TAF4B: variants seen among roughly 807,000 people sequenced by gnomAD.
The protein encoded by TAF4B is TATA-box binding protein associated factor 4b.
TAF4B carries 38 observed loss-of-function variants against 86.4 expected under a neutral mutation model. The observed-to-expected ratio is 0.44, with a 90% CI of 0.34 to 0.58. TAF4B has a LOEUF of 0.58. Ranked by LOEUF, TAF4B falls within the 20% of genes least tolerant of loss-of-function variation. TAF4B has a pLI of 0.02. For missense variants in TAF4B, 988 were observed against 1,027.6 expected, an observed-to-expected ratio of 0.96 and a Z score of 0.53; for synonymous variants, 388 against 391.2, an observed-to-expected ratio of 0.99 and a Z score of 0.10.
intron 14 of TAF4B, 85 bp downstream of exon 14, chr18:26,357,879 G>C: frequency 1.1e-6 from 1 of 923,996 alleles, no homozygotes; most frequent in Non-Finnish European, 1.6e-6. Flanking sequence ...AGTTTACCCT[G>C]TTATGCACGC....
At chr18:26,240,927 G>A (rs549198140) in intron 1 of TAF4B, among the ~76,000 whole-genome samples, 1 of 152,286 alleles carries the variant, frequency 6.6e-6, no homozygotes, top group Non-Finnish European at 1.5e-5. Flanking sequence ...GCATCCCAGG[G>A]ATGAAGCCAA....
chr18:26,262,643 T>C (rs1021424750), intron 1 of TAF4B, among the ~76,000 whole-genome samples: 1 of 151,950 alleles, frequency 6.6e-6, no homozygotes, highest in Non-Finnish European at 1.5e-5. Context: ...CACCCTCCAC[T>C]AATTTTTGTA....
chr18:26,374,934 A>T (rs533593950), intron 14 of TAF4B, among the ~76,000 whole-genome samples: 5 of 152,300 alleles, frequency 3.3e-5, no homozygotes, highest in South Asian at 2.1e-4. Context: ...GATATAATTC[A>T]TGTACAATAA....
rs754232320 is a variant in TAF4B at position 26,286,300 on chromosome 18, T to G, written c.1391T>G (p.Leu464Arg). ...GTTGTCTCTGGAACAGCAGTAACAC[T>G]GTCCCTTCCAGCAGTAACTTTTGGA... ...KPVVSGTAVTLSLPAVTFGET... is the reference protein window; with the variant it reads ...KPVVSGTAVTRSLPAVTFGET... Residue 464 changes from leucine to arginine, a missense_variant, in exon 7 of 15, where the codon CTG becomes CGG. Leu to Arg is a moderately radical substitution (Grantham distance 102, BLOSUM62 -2). Coordinates refer to ENST00000269142, the MANE Select transcript of TAF4B (RefSeq NM_005640.3). The G allele has an allele frequency of 6.2e-7, 1 of 1,614,136 alleles. No homozygotes were observed. The highest frequency in any genetic ancestry group is 1.3e-5 in the African/African-American group (1 of 74,954).
intron 12 of TAF4B, among the ~76,000 whole-genome samples, chr18:26,329,249 A>C (rs906783132): frequency 6.6e-6 from 1 of 151,790 alleles, no homozygotes; most frequent in Admixed American, 6.6e-5. Context: ...TAGAGACAGG[A>C]TCTCCCTACA....
chr18:26,241,538 C>T (rs770470617), intron 1 of TAF4B, among the ~76,000 whole-genome samples: 1 of 152,126 alleles, frequency 6.6e-6, no homozygotes, highest in Admixed American at 6.5e-5. Context: ...AAAACCAGCT[C>T]CTGGATTCTT....
chr18:26,263,024 C>CACT (rs1382748455), intron 1 of TAF4B, among the ~76,000 whole-genome samples: 1 of 152,134 alleles, frequency 6.6e-6, no homozygotes, highest in Non-Finnish European at 1.5e-5. Flanking sequence ...CATCATAGCT[C>CACT]ACTACAGCCT....
intron 7 of TAF4B, among the ~76,000 whole-genome samples, chr18:26,286,903 T>A (rs2056530987): frequency 2.6e-5 from 4 of 152,096 alleles, no homozygotes; most frequent in Admixed American, 2.6e-4. Context: ...AGGCTAGTCT[T>A]GAACTCCTGG....
intron 1 of TAF4B, among the ~76,000 whole-genome samples, chr18:26,243,614 C>T (rs1215193173): frequency 2.0e-5 from 3 of 152,326 alleles, no homozygotes; most frequent in South Asian, 4.1e-4. Flanking sequence ...CGTCCAGCTT[C>T]GTTCCATTGC....
Position 26,265,154 on chromosome 18 carries a change from TC to T in TAF4B, c.344-15del, listed in dbSNP as rs753777574. On this transcript the variant is annotated splice_polypyrimidine_tract_variant and intron_variant, in intron 1 of 14. Coordinates refer to ENST00000269142, the MANE Select transcript of TAF4B (RefSeq NM_005640.3). ...TAGTGGCTCAGAGGTCACTTTTTTT[TC>T]TTTTTTAAATATAGGAACCGTTTTG... The T allele has an allele frequency of 4.1e-5, 65 of 1,600,788 alleles. No individual in the cohort carries two copies. In the African/African-American group the frequency reaches 5.6e-4, roughly 14 times the overall value.
rs776976703 is a variant in TAF4B, at chr18:26,285,222, G to GTTTTTTTTTTTTT, written c.973-658_973-646dup. Reference sequence around the variant, plus strand: ...ATTTCTTCCTTTCCTTTTTTTTTTTGTTTTTTTTTTTTTTGGAGATGGGGT... The same window carrying GTTTTTTTTTTTTT: ...ATTTCTTCCTTTCCTTTTTTTTTTTGTTTTTTTTTTTTTTTTTTTTTTTTTTTGGAGATGGGGT... On this transcript the variant is annotated intron_variant, in intron 6 of 14. Coordinates refer to ENST00000269142, the MANE Select transcript of TAF4B (RefSeq NM_005640.3). 9.5e-3 allele frequency among the ~76,000 whole-genome samples: 430 copies of GTTTTTTTTTTTTT among 45,500 alleles called. 10 individuals are homozygous for GTTTTTTTTTTTTT. Among genetic ancestry groups the GTTTTTTTTTTTTT allele is most frequent in the East Asian group, 0.023 (21 of 908 alleles). The allele number at this position is 45,500 out of a possible 152,430, so 29.8% of individuals were successfully genotyped here.
At chr18:26,356,932 TGTA>T (rs1446870598) in intron 13 of TAF4B, among the ~76,000 whole-genome samples, 1 of 152,154 alleles carries the variant, frequency 6.6e-6, no homozygotes, top group Non-Finnish European at 1.5e-5. Flanking sequence ...AATTATACCC[TGTA>T]GATTTGGGCA....
chr18:26,262,865 A>T (rs1374418384), intron 1 of TAF4B, among the ~76,000 whole-genome samples: 1 of 152,058 alleles, frequency 6.6e-6, no homozygotes, highest in East Asian at 1.9e-4. Flanking sequence ...AGTTGTAGAG[A>T]TCCTCTTGCC....
chr18:26,292,464 G>T, intron 8 of TAF4B, 83 bp downstream of exon 8: 1 of 1,416,312 alleles, frequency 7.1e-7, no homozygotes. Context: ...GCTGTGTTAA[G>T]AGAAGAGAGG....
At chr18:26,341,734 G>C (rs2057138597) in intron 13 of TAF4B, among the ~76,000 whole-genome samples, 1 of 152,078 alleles carries the variant, frequency 6.6e-6, no homozygotes, top group South Asian at 2.1e-4. Context: ...GTTTGATTTG[G>C]TGGAATGACT....
intron 1 of TAF4B, among the ~76,000 whole-genome samples, chr18:26,232,532 C>T (rs1175427275): frequency 6.6e-6 from 1 of 152,190 alleles, no homozygotes; most frequent in Non-Finnish European, 1.5e-5. Flanking sequence ...AGCAAGATGG[C>T]TGTCACAGGA....
At chr18:26,297,582 C>T (rs1405965420) in intron 9 of TAF4B, among the ~76,000 whole-genome samples, 2 of 152,100 alleles carry the variant, frequency 1.3e-5, no homozygotes, top group African/African-American at 4.8e-5. Context: ...AATATTCACA[C>T]ATCATACAGT....
At chr18:26,349,285 C>T (rs556851579) in intron 13 of TAF4B, among the ~76,000 whole-genome samples, 5 of 152,162 alleles carry the variant, frequency 3.3e-5, no homozygotes, top group Non-Finnish European at 7.4e-5. Context: ...CCGAAAGTCC[C>T]CAGTGTCTAT....
chr18:26,273,532 T>G (rs78447907), intron 3 of TAF4B, among the ~76,000 whole-genome samples: 11,899 of 152,236 alleles, frequency 0.078, 567 homozygotes, highest in Non-Finnish European at 0.1. Context: ...CTATCAATTC[T>G]CAGCATTTTA....
Sources: gnomAD v4.1 joint callset for allele counts (sites outside exome capture counted in the v4.1 genomes callset) on GRCh38, gnomAD v4.1.1 for gene constraint, MANE v1.5 for transcripts, NCBI Gene and HGNC (gene_info 2026-07-23, HGNC 2026-07-21) for gene names.